The following AKAP19 variants were observed in gnomAD, a reference collection of about 807,000 sequenced individuals.
AKAP19 encodes the protein small A-kinase anchoring protein.
chr2:189,910,411 C>A, the AKAP19 span, among the ~76,000 whole-genome samples: 2 of 151,948 alleles, frequency 1.3e-5, no homozygotes, highest in Non-Finnish European at 2.9e-5. Context: ...TCACAGATAG[C>A]AGTATTGTTG....
the AKAP19 span, among the ~76,000 whole-genome samples, chr2:190,177,187 A>G: frequency 6.6e-6 from 1 of 152,028 alleles, no homozygotes; most frequent in East Asian, 1.9e-4. The surrounding 1 kb of genome is among the most constrained non-coding windows in gnomAD (Gnocchi z 4.6). Flanking sequence ...CTACCCACTC[A>G]GTTGGCTTTG....
chr2:190,020,875 T>G, the AKAP19 span, among the ~76,000 whole-genome samples: 1 of 152,248 alleles, frequency 6.6e-6, no homozygotes, highest in African/African-American at 2.4e-5. Flanking sequence ...GGTATCCTTT[T>G]GTGACTGACT....
the AKAP19 span, among the ~76,000 whole-genome samples, chr2:190,146,783 C>T: frequency 2.6e-5 from 4 of 152,280 alleles, no homozygotes; most frequent in South Asian, 2.1e-4. Flanking sequence ...TGTTTGTTGG[C>T]CATTTGTATA....
At chr2:190,127,497 C>T in the AKAP19 span, among the ~76,000 whole-genome samples, 1 of 151,976 alleles carries the variant, frequency 6.6e-6, no homozygotes, top group African/African-American at 2.4e-5. Context: ...ATGGCAAATA[C>T]TAAAGCTGTC....
chr2:189,932,227 G>C, the AKAP19 span, among the ~76,000 whole-genome samples: 1 of 152,088 alleles, frequency 6.6e-6, no homozygotes, highest in Non-Finnish European at 1.5e-5. Context: ...GGCCAACATA[G>C]TGAAATCCCG....
At chr2:190,116,279 C>T in the AKAP19 span, among the ~76,000 whole-genome samples, 2 of 152,260 alleles carry the variant, frequency 1.3e-5, no homozygotes, top group South Asian at 4.1e-4. Context: ...AGTTCAAGAT[C>T]AAGGAACTGC....
the AKAP19 span, among the ~76,000 whole-genome samples, chr2:189,969,806 A>T: frequency 6.9e-6 from 1 of 144,064 alleles, no homozygotes; most frequent in East Asian, 2.2e-4. Context: ...TTAGAATTAT[A>T]GGTCCTTCCT....
At chr2:189,929,518 A>G in the AKAP19 span, among the ~76,000 whole-genome samples, 1 of 151,426 alleles carries the variant, frequency 6.6e-6, no homozygotes, top group Non-Finnish European at 1.5e-5. Flanking sequence ...GGAAAGTGTA[A>G]TATTAAACCC....
At chr2:189,944,800 T>C in the AKAP19 span, among the ~76,000 whole-genome samples, 3 of 152,204 alleles carry the variant, frequency 2.0e-5, no homozygotes, top group African/African-American at 7.2e-5. Flanking sequence ...CTCATTGTTT[T>C]CATCAACACA....
At chr2:190,044,157 A>G in the AKAP19 span, among the ~76,000 whole-genome samples, 3 of 151,236 alleles carry the variant, frequency 2.0e-5, no homozygotes, top group African/African-American at 7.3e-5. Context: ...ATGACTTGGC[A>G]CTCCTGAGCT....
chr2:189,916,695 G>A, the AKAP19 span, among the ~76,000 whole-genome samples: 1 of 152,206 alleles, frequency 6.6e-6, no homozygotes, highest in East Asian at 1.9e-4. Context: ...TACATAATAT[G>A]GAATCATACA....
the AKAP19 span, among the ~76,000 whole-genome samples, chr2:189,900,734 AAAG>A: frequency 2.6e-5 from 4 of 152,162 alleles, no homozygotes; most frequent in African/African-American, 9.7e-5. Flanking sequence ...TGGGCAGTAA[AAAG>A]AATTTACCAA....
the AKAP19 span, among the ~76,000 whole-genome samples, chr2:189,914,802 A>C: frequency 6.6e-6 from 1 of 152,056 alleles, no homozygotes; most frequent in African/African-American, 2.4e-5. Context: ...TTCCTGCCCC[A>C]TTTTATAGAT....
chr2:189,946,616 T>C, the AKAP19 span, among the ~76,000 whole-genome samples: 57 of 152,346 alleles, frequency 3.7e-4, 1 homozygote, highest in South Asian at 0.011. Context: ...CATTAAAACA[T>C]TTTTAGTCCC....
chr2:190,093,842 G>A, the AKAP19 span, among the ~76,000 whole-genome samples: 1 of 152,210 alleles, frequency 6.6e-6, no homozygotes, highest in African/African-American at 2.4e-5. Flanking sequence ...TGCCTTGGTA[G>A]CTTGACCACA....
chr2:190,080,349 A>G, the AKAP19 span, among the ~76,000 whole-genome samples: 4 of 152,236 alleles, frequency 2.6e-5, no homozygotes, highest in Non-Finnish European at 5.9e-5. Context: ...CAGACTTGTA[A>G]ACAGATATGT....
chr2:190,071,214 G>A, the AKAP19 span, among the ~76,000 whole-genome samples: 2 of 152,140 alleles, frequency 1.3e-5, no homozygotes, highest in Admixed American at 6.5e-5. Flanking sequence ...TTGAGAGACC[G>A]AGGCAGGAGG....
chr2:189,964,810 ATGT>A, the AKAP19 span, among the ~76,000 whole-genome samples: 1 of 152,252 alleles, frequency 6.6e-6, no homozygotes, highest in African/African-American at 2.4e-5. Context: ...GCATAAGGGA[ATGT>A]TGTGGCTGGT....
At chr2:189,952,548 C>T in the AKAP19 span, among the ~76,000 whole-genome samples, 2 of 151,974 alleles carry the variant, frequency 1.3e-5, no homozygotes, top group African/African-American at 2.4e-5. Context: ...TTTATCTGTT[C>T]TCCTATATGA....
Sources: gnomAD v4.1 joint callset for allele counts (sites outside exome capture counted in the v4.1 genomes callset) on GRCh38, gnomAD v4.1.1 for gene constraint, Gnocchi (gnomAD v3.1) non-coding constraint, MANE v1.5 for transcripts, NCBI Gene and HGNC (gene_info 2026-07-23, HGNC 2026-07-21) for gene names.